The following SRGAP1 variants were observed in gnomAD, a reference collection of about 807,000 sequenced individuals.
SRGAP1 encodes the protein SLIT-ROBO Rho GTPase-activating protein 1.
SRGAP1 carries 43 observed loss-of-function variants against 121.9 expected under a neutral mutation model. That is an observed-to-expected ratio of 0.35 (90% CI 0.28 to 0.46). SRGAP1 has a LOEUF of 0.46. SRGAP1 is among the 20% of genes least tolerant of loss of function. SRGAP1 has a pLI of 1.00. For synonymous variants in SRGAP1, 447 were observed against 485.4 expected, an observed-to-expected ratio of 0.92 and a Z score of 1.04; for missense variants, 1,102 against 1,350.9, an observed-to-expected ratio of 0.82 and a Z score of 2.89.
In SRGAP1 at chr12:63,990,081, C is replaced by T; in HGVS notation, c.426+9C>T. The T allele has an allele frequency of 6.3e-7, 1 of 1,590,344 alleles. No individual in the cohort carries two copies. On this transcript the variant is annotated intron_variant, in intron 3 of 21. Coordinates refer to ENST00000355086, the MANE Select transcript of SRGAP1 (RefSeq NM_020762.4). The stretch of plus-strand genomic sequence containing the variant: ...CCAGGATGTTTAAAAAGGTACACTC[C>T]ATAAATCCTGCCATAGTGTGCTTTC...
chr12:64,154,414 A>C lies in SRGAP1; in HGVS notation c.*11742A>C, dbSNP rs2037148001. 1 of 152,104 alleles carries C rather than the reference A, an allele frequency of 6.6e-6. No individual in the cohort carries two copies. Among genetic ancestry groups the C allele is most frequent in the Non-Finnish European group, 1.5e-5 (1 of 68,040 alleles). The allele number at this position is 152,104 out of a possible 1,614,324, so 9.4% of individuals were successfully genotyped here. On this transcript the variant is annotated 3_prime_UTR_variant, in exon 22 of 22. Coordinates refer to ENST00000355086, the MANE Select transcript of SRGAP1 (RefSeq NM_020762.4). ...GACCACAATTAAGGAGCAACACAGGAGATGAGGGTGGCTTGGACTAGATAG... is the reference window on the plus strand; with the variant it reads ...GACCACAATTAAGGAGCAACACAGGCGATGAGGGTGGCTTGGACTAGATAG...
chr12:64,039,257 A>C (rs1349875236), intron 4 of SRGAP1, among the ~76,000 whole-genome samples: 1 of 152,242 alleles, frequency 6.6e-6, no homozygotes, highest in Non-Finnish European at 1.5e-5. Flanking sequence ...CCACCGAACT[A>C]GGTAGAGAAT....
chr12:64,124,145 T>A (rs907653312), intron 18 of SRGAP1, among the ~76,000 whole-genome samples: 5 of 152,256 alleles, frequency 3.3e-5, no homozygotes, highest in Non-Finnish European at 4.4e-5. Context: ...AGGGCCTTTA[T>A]ATAATAAGGT....
chr12:63,867,071 G>T (rs1899663530), intron 1 of SRGAP1, among the ~76,000 whole-genome samples: 1 of 151,956 alleles, frequency 6.6e-6, no homozygotes. Context: ...CGGTGGTCTC[G>T]AACTCCTGGA....
chr12:63,951,432 G>A (rs899643099), intron 1 of SRGAP1, among the ~76,000 whole-genome samples: 2 of 151,994 alleles, frequency 1.3e-5, no homozygotes, highest in South Asian at 2.1e-4. Flanking sequence ...CCAAAGTGCT[G>A]GAATTATAGG....
At chr12:64,113,486 A>G (rs1317384501) in intron 17 of SRGAP1, among the ~76,000 whole-genome samples, 5 of 152,210 alleles carry the variant, frequency 3.3e-5, no homozygotes, top group Admixed American at 1.3e-4. Flanking sequence ...ACAATAATGT[A>G]TATTTCAAAA....
chr12:63,935,024 A>T (rs573289616), intron 1 of SRGAP1, among the ~76,000 whole-genome samples: 9 of 152,186 alleles, frequency 5.9e-5, no homozygotes, highest in Admixed American at 2.6e-4. Context: ...AAAAAGTCTT[A>T]ATTTCCCATA....
chr12:64,068,350 T>G (rs1012623607), intron 8 of SRGAP1, among the ~76,000 whole-genome samples: 1 of 151,956 alleles, frequency 6.6e-6, no homozygotes, highest in Non-Finnish European at 1.5e-5. Context: ...AAAAAATTTT[T>G]TTTGAGACAG....
intron 1 of SRGAP1, among the ~76,000 whole-genome samples, chr12:63,851,512 T>A (rs1899071940): frequency 1.3e-5 from 2 of 152,120 alleles, no homozygotes; most frequent in South Asian, 4.1e-4. Context: ...TTGTGTGATC[T>A]CTAAGAGTCA....
intron 1 of SRGAP1, among the ~76,000 whole-genome samples, chr12:63,933,334 C>T (rs895395865): frequency 6.6e-6 from 1 of 151,886 alleles, no homozygotes; most frequent in African/African-American, 2.4e-5. Flanking sequence ...TCTTTGGCAC[C>T]CAAAGAATGC....
intron 11 of SRGAP1, among the ~76,000 whole-genome samples, 154 bp from the exon 12 acceptor site, chr12:64,091,122 A>G (rs1386143595): frequency 1.3e-5 from 2 of 152,228 alleles, no homozygotes; most frequent in Non-Finnish European, 2.9e-5. Flanking sequence ...GTGAAAGTAA[A>G]TAAATGGGAA....
chr12:63,946,385 G>A (rs539075638), intron 1 of SRGAP1, among the ~76,000 whole-genome samples: 5 of 149,956 alleles, frequency 3.3e-5, no homozygotes, highest in South Asian at 2.1e-4. Flanking sequence ...ACATATGTAC[G>A]AAACCACTAA....
intron 1 of SRGAP1, among the ~76,000 whole-genome samples, chr12:63,915,952 G>GT (rs1210530268): frequency 1.3e-5 from 2 of 151,440 alleles, no homozygotes; most frequent in Admixed American, 6.6e-5. Flanking sequence ...ATTGGTTATT[G>GT]TTTTACTGAA....
intron 3 of SRGAP1, among the ~76,000 whole-genome samples, chr12:64,012,386 T>C (rs897560784): frequency 1.1e-4 from 16 of 152,022 alleles, no homozygotes; most frequent in African/African-American, 3.9e-4. Context: ...TATTAGAAGT[T>C]TTACCATTAT....
intron 18 of SRGAP1, among the ~76,000 whole-genome samples, chr12:64,121,880 C>T (rs1385360181): frequency 6.6e-6 from 1 of 152,200 alleles, no homozygotes; most frequent in African/African-American, 2.4e-5. Context: ...GATATTCTCA[C>T]CCGCAGCCAA....
intron 3 of SRGAP1, among the ~76,000 whole-genome samples, chr12:63,995,224 T>A (rs1425070466): frequency 2.6e-5 from 4 of 152,218 alleles, no homozygotes; most frequent in Non-Finnish European, 5.9e-5. Context: ...ATGTACAATA[T>A]AATTCATCTT....
intron 1 of SRGAP1, among the ~76,000 whole-genome samples, chr12:63,904,096 C>G (rs888193706): frequency 1.3e-5 from 2 of 151,902 alleles, no homozygotes; most frequent in African/African-American, 4.8e-5. Flanking sequence ...TTCCCTCCCA[C>G]CCGAGATAAC....
chr12:63,930,384 T>C (rs889400179), intron 1 of SRGAP1, among the ~76,000 whole-genome samples: 2 of 151,952 alleles, frequency 1.3e-5, no homozygotes, highest in Admixed American at 6.6e-5. Flanking sequence ...AATCATTTTT[T>C]TTCTTTTATC....
At chr12:64,137,602 A>G (rs2036875959) in intron 21 of SRGAP1, among the ~76,000 whole-genome samples, 1 of 152,216 alleles carries the variant, frequency 6.6e-6, no homozygotes, top group Non-Finnish European at 1.5e-5. Context: ...ACATCCATAC[A>G]TAATCATCGT....
Sources: gnomAD v4.1 joint callset for allele counts (sites outside exome capture counted in the v4.1 genomes callset) on GRCh38, gnomAD v4.1.1 for gene constraint, MANE v1.5 for transcripts, NCBI Gene and HGNC (gene_info 2026-07-23, HGNC 2026-07-21) for gene names.